Variants in CSTPP1 observed in about 807,000 individuals in gnomAD.
CSTPP1 encodes the protein UPF0705 protein C11orf49.
the CSTPP1 span, among the ~76,000 whole-genome samples, chr11:47,036,034 G>GATATATATATAT: frequency 0.014 from 365 of 25,348 alleles, 54 homozygotes; most frequent in Non-Finnish European, 0.018. Flanking sequence ...GGAGTGAAAA[G>GATATATATATAT]ATATATATAT....
At chr11:47,043,616 C>A in the CSTPP1 span, among the ~76,000 whole-genome samples, 1 of 152,154 alleles carries the variant, frequency 6.6e-6, no homozygotes, top group Non-Finnish European at 1.5e-5. Context: ...ACATGAGGAA[C>A]ACTGATGTTG....
chr11:47,093,330 G>A, the CSTPP1 span, among the ~76,000 whole-genome samples: 1 of 152,182 alleles, frequency 6.6e-6, no homozygotes, highest in Admixed American at 6.5e-5. Context: ...CTGGCAAGAT[G>A]CTAAATTAGC....
chr11:47,032,140 A>G, the CSTPP1 span, among the ~76,000 whole-genome samples: 28 of 152,334 alleles, frequency 1.8e-4, no homozygotes, highest in African/African-American at 6.5e-4. Context: ...ACCCAGGATC[A>G]ATACTTTGTA....
chr11:46,972,664 C>G, the CSTPP1 span, among the ~76,000 whole-genome samples: 1 of 152,172 alleles, frequency 6.6e-6, no homozygotes, highest in East Asian at 1.9e-4. Context: ...TGTGCTGCCT[C>G]TCATTTGTTC....
At chr11:47,136,401 C>T in the CSTPP1 span, among the ~76,000 whole-genome samples, 1 of 152,176 alleles carries the variant, frequency 6.6e-6, no homozygotes, top group Non-Finnish European at 1.5e-5. Context: ...GAGAGTGCCA[C>T]AAAACCATCT....
At chr11:47,157,706 G>C in the CSTPP1 span, 1 of 1,021,930 alleles carries the variant, frequency 9.8e-7, no homozygotes. Flanking sequence ...GGGCTCCCAA[G>C]GCAGGTCCCT....
At chr11:47,159,224 G>A in the CSTPP1 span, among the ~76,000 whole-genome samples, 1 of 152,114 alleles carries the variant, frequency 6.6e-6, no homozygotes, top group East Asian at 1.9e-4. Context: ...GGAGGCAATT[G>A]ACAGGCCAGG....
chr11:47,096,967 T>TA, the CSTPP1 span, among the ~76,000 whole-genome samples: 14 of 152,256 alleles, frequency 9.2e-5, no homozygotes, highest in African/African-American at 3.4e-4. Flanking sequence ...TACTTAACGA[T>TA]AGCCCTTTTG....
At chr11:47,024,592 T>C in the CSTPP1 span, among the ~76,000 whole-genome samples, 1 of 152,156 alleles carries the variant, frequency 6.6e-6, no homozygotes, top group Non-Finnish European at 1.5e-5. Flanking sequence ...GAGAGAGTGC[T>C]CATGTTCTGA....
At chr11:46,941,438 C>T in the CSTPP1 span, among the ~76,000 whole-genome samples, 1 of 152,172 alleles carries the variant, frequency 6.6e-6, no homozygotes, top group Non-Finnish European at 1.5e-5. Flanking sequence ...CTCCAGGGTT[C>T]AAGTGATTCT....
At chr11:46,967,414 T>G in the CSTPP1 span, among the ~76,000 whole-genome samples, 1 of 152,232 alleles carries the variant, frequency 6.6e-6, no homozygotes, top group Admixed American at 6.5e-5. Context: ...CATCATTGTA[T>G]ATATGTATCT....
At chr11:47,062,001 C>A in the CSTPP1 span, among the ~76,000 whole-genome samples, 1 of 152,070 alleles carries the variant, frequency 6.6e-6, no homozygotes, top group Non-Finnish European at 1.5e-5. Context: ...TCTCTCCCAC[C>A]TGAAGCTCCT....
chr11:47,031,443 A>G, the CSTPP1 span, among the ~76,000 whole-genome samples: 422 of 152,282 alleles, frequency 2.8e-3, 2 homozygotes, highest in African/African-American at 9.4e-3. Flanking sequence ...TGTAATCCCA[A>G]TGCTTTGAGA....
the CSTPP1 span, chr11:47,154,997 A>G: frequency 1.6e-6 from 1 of 623,792 alleles, no homozygotes; most frequent in Non-Finnish European, 2.9e-6. Context: ...GACTGGGAGG[A>G]GCTTGCTTTT....
the CSTPP1 span, among the ~76,000 whole-genome samples, chr11:46,941,555 G>A: frequency 6.6e-6 from 1 of 152,174 alleles, no homozygotes; most frequent in East Asian, 1.9e-4. Context: ...TGCCAGGCTG[G>A]TCTCGAACTC....
At chr11:47,011,213 A>C in the CSTPP1 span, among the ~76,000 whole-genome samples, 1 of 152,202 alleles carries the variant, frequency 6.6e-6, no homozygotes, top group Non-Finnish European at 1.5e-5. Flanking sequence ...AAAACTGTGA[A>C]TTATCCATTT....
chr11:46,954,102 A>T, the CSTPP1 span, among the ~76,000 whole-genome samples: 4 of 151,490 alleles, frequency 2.6e-5, no homozygotes, highest in African/African-American at 9.8e-5. Context: ...AAATCATTTT[A>T]AAAAAAGAAG....
the CSTPP1 span, among the ~76,000 whole-genome samples, chr11:47,025,672 GTTTAGTT>G: frequency 5.9e-5 from 9 of 152,068 alleles, no homozygotes; most frequent in African/African-American, 2.2e-4. Flanking sequence ...TAAAAATAGT[GTTTAGTT>G]TTCAGTGAAA....
At chr11:47,115,596 C>T in the CSTPP1 span, among the ~76,000 whole-genome samples, 5 of 152,066 alleles carry the variant, frequency 3.3e-5, no homozygotes, top group Admixed American at 6.6e-5. Context: ...AGTTTATTTG[C>T]GTAAATGTGT....
Sources: allele counts gnomAD v4.1 joint callset (sites outside exome capture counted in the v4.1 genomes callset), GRCh38; gene constraint gnomAD v4.1.1; transcripts MANE v1.5; gene names NCBI Gene and HGNC (gene_info 2026-07-23, HGNC 2026-07-21).